Variants in ZNF521 observed in about 807,000 individuals in gnomAD.
ZNF521 encodes the protein LYST-interacting protein 3.
ZNF521 carries 14 observed loss-of-function variants against 105.5 expected under a neutral mutation model. The ratio of observed to expected loss-of-function variants is 0.13; its 90% CI spans 0.09 to 0.21. The LOEUF (loss-of-function observed/expected upper bound fraction) is 0.21. ZNF521 is among the 10% of genes least tolerant of loss of function. ZNF521 has a pLI of 1.00. For missense variants in ZNF521, 1,233 were observed against 1,629.7 expected (o/e 0.76, Z 4.19); for synonymous variants, 635 against 606.0 (o/e 1.05, Z -0.70).
chr18:25,178,008 T>G (rs1487703582), intron 5 of ZNF521, among the ~76,000 whole-genome samples: 1 of 152,200 alleles, frequency 6.6e-6, no homozygotes, highest in Admixed American at 6.5e-5. Flanking sequence ...GTGTTCTTCT[T>G]CATTACTCCT....
chr18:25,165,652 G>T (rs1157404134), intron 5 of ZNF521, among the ~76,000 whole-genome samples: 1 of 152,182 alleles, frequency 6.6e-6, no homozygotes, highest in African/African-American at 2.4e-5. Flanking sequence ...AAGTTCTGTG[G>T]CTACATGTGG....
At chr18:25,125,025 T>A (rs2034512926) in intron 5 of ZNF521, among the ~76,000 whole-genome samples, 1 of 152,164 alleles carries the variant, frequency 6.6e-6, no homozygotes, top group South Asian at 2.1e-4. Flanking sequence ...TATATAAAAG[T>A]GATTTCAATT....
intron 3 of ZNF521, among the ~76,000 whole-genome samples, chr18:25,303,826 G>C (rs1183369571): frequency 6.6e-6 from 1 of 152,018 alleles, no homozygotes; most frequent in Non-Finnish European, 1.5e-5. Context: ...AAAGATATTT[G>C]GTTAACTAAA....
At chr18:25,174,880 T>C (rs1486434899) in intron 5 of ZNF521, among the ~76,000 whole-genome samples, 1 of 152,222 alleles carries the variant, frequency 6.6e-6, no homozygotes, top group Non-Finnish European at 1.5e-5. Flanking sequence ...AGATTTTTAA[T>C]CACCCCTTAA....
chr18:25,338,692 G>A (rs957926008), intron 2 of ZNF521, among the ~76,000 whole-genome samples: 3 of 152,160 alleles, frequency 2.0e-5, no homozygotes, highest in African/African-American at 7.2e-5. Flanking sequence ...GATTACAGGT[G>A]TGAGCCATTG....
intron 5 of ZNF521, among the ~76,000 whole-genome samples, chr18:25,100,373 CT>C: frequency 6.6e-6 from 1 of 152,092 alleles, no homozygotes; most frequent in Non-Finnish European, 1.5e-5. Context: ...AATTTTCTTT[CT>C]AAGAAACTAT....
intron 3 of ZNF521, among the ~76,000 whole-genome samples, chr18:25,292,079 G>A (rs1911063435): frequency 6.6e-6 from 1 of 152,182 alleles, no homozygotes. Flanking sequence ...TGCTATCCAA[G>A]GTTATTGTCT....
rs568401070 is a variant in ZNF521, at chr18:25,113,011, T to C, written c.3659-20930A>G. 1.2e-4 allele frequency among the ~76,000 whole-genome samples: 10 copies of C among 83,610 alleles called. No individual in the cohort carries two copies. The Admixed American group carries it at 1.5e-3, about 13-fold the overall frequency. The allele number at this position is 83,610 out of a possible 152,430, so 54.9% of individuals were successfully genotyped here. On this transcript the variant is annotated intron_variant, in intron 5 of 7. Coordinates refer to ENST00000361524, the MANE Select transcript of ZNF521 (RefSeq NM_015461.3). The stretch of plus-strand genomic sequence containing the variant: ...CCCGCCTGCCTGTAAAATTACTGTG[T>C]CTAACCTTTTTTTTTTTCCTCTTTG...
At chr18:25,090,610 C>T (rs765237296) in intron 6 of ZNF521, among the ~76,000 whole-genome samples, 2 of 152,062 alleles carry the variant, frequency 1.3e-5, no homozygotes, top group African/African-American at 4.8e-5. Context: ...AGACTGTGCA[C>T]GATTAATGCA....
intron 3 of ZNF521, among the ~76,000 whole-genome samples, chr18:25,256,815 C>G (rs534663430): frequency 6.6e-6 from 1 of 151,100 alleles, no homozygotes; most frequent in Admixed American, 6.6e-5. Flanking sequence ...AAAAAAAAAA[C>G]ATTAAAACTG....
intron 7 of ZNF521, among the ~76,000 whole-genome samples, chr18:25,070,559 A>C (rs1310710850): frequency 6.6e-6 from 1 of 152,186 alleles, no homozygotes; most frequent in Non-Finnish European, 1.5e-5. Context: ...TTAGAAGGCC[A>C]GTGGGGCTTG....
chr18:25,279,710 A>G (rs1403198437), intron 3 of ZNF521, among the ~76,000 whole-genome samples: 1 of 152,254 alleles, frequency 6.6e-6, no homozygotes, highest in South Asian at 2.1e-4. Context: ...TTAACTTCAC[A>G]TTATGGGAAA....
intron 5 of ZNF521, among the ~76,000 whole-genome samples, chr18:25,129,492 T>C (rs1011941752): frequency 3.3e-5 from 5 of 151,984 alleles, no homozygotes; most frequent in East Asian, 1.9e-4. Context: ...ATAAGCTTCA[T>C]TGAAGTTAAA....
At chr18:25,064,088 C>T (rs1043349078) in intron 7 of ZNF521, among the ~76,000 whole-genome samples, 16 of 152,342 alleles carry the variant, frequency 1.1e-4, no homozygotes, top group African/African-American at 3.8e-4. Context: ...CATGCCAGAG[C>T]GCTGCAGTGC....
At position 25,232,014 on chromosome 18, in the gene ZNF521, C is replaced by A. The variant is rs888442493; in HGVS notation, c.221-4317G>T. Among the ~76,000 whole-genome samples, 11 of 152,294 alleles carry A rather than the reference C, an allele frequency of 7.2e-5. No homozygotes were observed. In the East Asian group the frequency reaches 2.1e-3, roughly 29 times the overall value. On this transcript the variant is annotated intron_variant, in intron 3 of 7. Transcript: ENST00000361524. Reference sequence around the variant, plus strand: ...TTGTTCACTGCAACAGCAGAGTACCCTCTTAACTGCCCATCGGGGACTCAG... The same window carrying A: ...TTGTTCACTGCAACAGCAGAGTACCATCTTAACTGCCCATCGGGGACTCAG...
chr18:25,327,518 T>C (rs1228869105), intron 2 of ZNF521: 14 of 797,918 alleles, frequency 1.8e-5, no homozygotes, highest in Non-Finnish European at 2.5e-5. Flanking sequence ...CCTACAAGTA[T>C]GTTCAAATCC....
intron 7 of ZNF521, among the ~76,000 whole-genome samples, chr18:25,078,175 C>T (rs1041918336): frequency 5.7e-4 from 86 of 152,154 alleles, no homozygotes; most frequent in Non-Finnish European, 4.6e-4. Context: ...GCTGGGGGTC[C>T]TTTGAGGGCT....
chr18:25,218,277 C>A (rs1476070643), intron 4 of ZNF521, among the ~76,000 whole-genome samples: 2 of 151,840 alleles, frequency 1.3e-5, no homozygotes, highest in Non-Finnish European at 1.5e-5. Context: ...TCAGAAGGAC[C>A]AAATGAAGCT....
intron 4 of ZNF521, among the ~76,000 whole-genome samples, chr18:25,198,611 G>A (rs555660019): frequency 6.6e-6 from 1 of 151,490 alleles, no homozygotes; most frequent in Non-Finnish European, 1.5e-5. Flanking sequence ...CTCAAAAACA[G>A]AAAAGAAAAA....
Sources: allele counts gnomAD v4.1 joint callset (sites outside exome capture counted in the v4.1 genomes callset), GRCh38; gene constraint gnomAD v4.1.1; transcripts MANE v1.5; gene names NCBI Gene and HGNC (gene_info 2026-07-23, HGNC 2026-07-21).